HIVEP3: variants seen among roughly 807,000 people sequenced by gnomAD.
The protein encoded by HIVEP3 is HIVEP zinc finger 3.
A neutral mutation model predicts 152.8 loss-of-function variants in HIVEP3; 49 were observed. The ratio of observed to expected loss-of-function variants is 0.32; its 90% CI spans 0.26 to 0.41. The LOEUF (loss-of-function observed/expected upper bound fraction) is 0.41. Among genes scored for constraint, HIVEP3 ranks in the 10% least tolerant of loss-of-function variants. The pLI is 1.00. For synonymous variants in HIVEP3, 1,269 were observed against 1,289.0 expected (o/e 0.98, Z 0.33); for missense variants, 2,790 against 3,103.3 (o/e 0.90, Z 2.40).
At chr1:41,694,090 G>T (rs1314347340) in intron 2 of HIVEP3, among the ~76,000 whole-genome samples, 2 of 151,618 alleles carry the variant, frequency 1.3e-5, no homozygotes, top group Non-Finnish European at 1.5e-5. Flanking sequence ...AATTTTTTTT[G>T]GGATTTCGAG....
At chr1:41,764,226 G>T (rs1647869597) in intron 1 of HIVEP3, among the ~76,000 whole-genome samples, 1 of 152,122 alleles carries the variant, frequency 6.6e-6, no homozygotes, top group African/African-American at 2.4e-5. Flanking sequence ...GGAGGGAAGA[G>T]ACATGGCCCA....
chr1:41,689,835 G>A (rs1432421425), intron 2 of HIVEP3, among the ~76,000 whole-genome samples: 1 of 152,232 alleles, frequency 6.6e-6, no homozygotes, highest in Non-Finnish European at 1.5e-5. Context: ...CCACTAGGGT[G>A]GGGGTGCTTC....
chr1:41,619,811 C>A (rs1645020879), intron 3 of HIVEP3, among the ~76,000 whole-genome samples: 1 of 152,188 alleles, frequency 6.6e-6, no homozygotes, highest in Non-Finnish European at 1.5e-5. Context: ...CCCCCAACCC[C>A]AACCAGCCCC....
intron 1 of HIVEP3, among the ~76,000 whole-genome samples, chr1:41,738,323 G>A (rs1438937564): frequency 2.0e-5 from 3 of 152,194 alleles, no homozygotes; most frequent in African/African-American, 7.2e-5. Context: ...GTAAAGCCCT[G>A]GGTTTCTCAA....
rs66536447 is a variant in HIVEP3 at position 41,787,717 on chromosome 1, G to GAA, written c.-800-86724_-800-86723dup. 2.7e-5 allele frequency among the ~76,000 whole-genome samples: 4 copies of GAA among 148,974 alleles called. No homozygotes were observed. In the East Asian group the frequency reaches 7.9e-4, roughly 29 times the overall value. The stretch of plus-strand genomic sequence containing the variant: ...AAAAATTTTTTTTTTTTTTTGTAGA[G>GAA]AAAAAATAGAGAAAACTATGTTGCC... On this transcript the variant is annotated intron_variant, in intron 1 of 8. Coordinates refer to ENST00000372583, the MANE Select transcript of HIVEP3 (RefSeq NM_024503.5).
intron 1 of HIVEP3, among the ~76,000 whole-genome samples, chr1:41,895,984 TTGAA>T (rs1338296615): frequency 2.6e-5 from 4 of 152,208 alleles, no homozygotes; most frequent in Non-Finnish European, 4.4e-5. Context: ...TGAATATTAA[TTGAA>T]TATTATATAC....
chr1:41,531,464 A>G (rs1324563050), intron 5 of HIVEP3, among the ~76,000 whole-genome samples: 13 of 129,378 alleles, frequency 1.0e-4, no homozygotes, highest in South Asian at 5.6e-4. Flanking sequence ...GACATGAGAG[A>G]TAGAGGACAG....
At chr1:41,936,300 G>C (rs914054595) in intron 1 of HIVEP3, among the ~76,000 whole-genome samples, 17 of 152,100 alleles carry the variant, frequency 1.1e-4, no homozygotes, top group African/African-American at 2.2e-4. Context: ...CACAGAAAAT[G>C]AATCTATTCA....
rs1304764819 is a variant in HIVEP3 at position 41,584,062 on chromosome 1, T to C, written c.736A>G (p.Ile246Val). The part of the protein sequence containing the change: ...YKHRKSHAHR[I>V]KAGLASGMGG... ...ATGCCTGAGGCCAGGCCTGCTTTGA[T>C]GCGGTGGGCATGGGACTTCCTGTGC... Residue 246 changes from isoleucine to valine, a missense_variant, in exon 4 of 9, where the codon ATC (isoleucine) becomes GTC (valine). Transcript: ENST00000372583. The surrounding 1 kb of genome is among the most constrained non-coding windows in gnomAD (Gnocchi z 5.2). 6.2e-7 allele frequency: 1 copy of C among 1,614,196 alleles called. No individual in the cohort carries two copies. Among genetic ancestry groups the C allele is most frequent in the Admixed American group, 1.7e-5 (1 of 60,030 alleles).
intron 3 of HIVEP3, among the ~76,000 whole-genome samples, chr1:41,598,621 G>A (rs1644701359): frequency 6.6e-6 from 1 of 152,156 alleles, no homozygotes; most frequent in Non-Finnish European, 1.5e-5. Context: ...TCTCCACTCA[G>A]TCTGCAAGTA....
chr1:41,986,464 G>A (rs1042316187), intron 1 of HIVEP3, among the ~76,000 whole-genome samples: 4 of 128,058 alleles, frequency 3.1e-5, no homozygotes, highest in East Asian at 2.3e-4. Context: ...TTTTTGAGAC[G>A]CAGTCTTGCT....
At chr1:42,011,842 T>C (rs1368460307) in intron 1 of HIVEP3, among the ~76,000 whole-genome samples, 5 of 152,212 alleles carry the variant, frequency 3.3e-5, no homozygotes, top group Non-Finnish European at 7.3e-5. Flanking sequence ...ACCAGGAGTT[T>C]TGGACACTGT....
intron 2 of HIVEP3, among the ~76,000 whole-genome samples, chr1:41,657,814 A>G (rs1181208596): frequency 6.6e-6 from 1 of 152,202 alleles, no homozygotes; most frequent in Admixed American, 6.5e-5. Flanking sequence ...TGCTCCTACC[A>G]TGTGGCCTTT....
At chr1:41,791,207 C>T (rs1384484042) in intron 1 of HIVEP3, among the ~76,000 whole-genome samples, 2 of 151,974 alleles carry the variant, frequency 1.3e-5, no homozygotes, top group Non-Finnish European at 2.9e-5. Flanking sequence ...ACTGTTCCTT[C>T]AATAGCTTGG....
intron 3 of HIVEP3, among the ~76,000 whole-genome samples, chr1:41,601,622 T>C (rs900851016): frequency 3.9e-5 from 6 of 152,196 alleles, no homozygotes; most frequent in Non-Finnish European, 7.4e-5. Flanking sequence ...CTAAATTTGT[T>C]AATTAGTTCT....
At chr1:41,518,669 G>C (rs771101245) in intron 6 of HIVEP3, among the ~76,000 whole-genome samples, 181 bp from the exon 7 acceptor site, 2 of 152,232 alleles carry the variant, frequency 1.3e-5, no homozygotes, top group African/African-American at 2.4e-5. Flanking sequence ...AGGCCCAGAA[G>C]TGTAGCCACA....
intron 1 of HIVEP3, among the ~76,000 whole-genome samples, chr1:41,902,671 G>C (rs989146160): frequency 2.0e-5 from 3 of 152,216 alleles, no homozygotes; most frequent in African/African-American, 7.2e-5. Flanking sequence ...AGTGGCCGAA[G>C]TGATCCAACG....
intron 1 of HIVEP3, among the ~76,000 whole-genome samples, chr1:41,812,947 A>G (rs1045424634): frequency 1.3e-5 from 2 of 152,092 alleles, no homozygotes; most frequent in Admixed American, 6.5e-5. Context: ...TAAAGTGCCT[A>G]TGCACTCTGG....
intron 1 of HIVEP3, among the ~76,000 whole-genome samples, chr1:41,871,542 T>A (rs562063711): frequency 6.6e-6 from 1 of 152,314 alleles, no homozygotes; most frequent in East Asian, 1.9e-4. Context: ...ATCTCTGAGA[T>A]CTTTAAACAG....
Sources: gnomAD v4.1 joint callset for allele counts (sites outside exome capture counted in the v4.1 genomes callset) on GRCh38, gnomAD v4.1.1 for gene constraint, Gnocchi (gnomAD v3.1) non-coding constraint, MANE v1.5 for transcripts, NCBI Gene and HGNC (gene_info 2026-07-23, HGNC 2026-07-21) for gene names.